TIAM2: variants seen among roughly 807,000 people sequenced by gnomAD.
TIAM2 encodes the protein rho guanine nucleotide exchange factor TIAM2.
Under a neutral mutation model 152.9 loss-of-function variants are expected in TIAM2, and 80 were observed. The ratio of observed to expected loss-of-function variants is 0.52; its 90% CI spans 0.44 to 0.63. TIAM2 has a LOEUF of 0.63. TIAM2 is among the 30% of genes least tolerant of loss of function. The probability of loss-of-function intolerance (pLI) is 0.00; values close to 1 mark genes in which losing one functional copy is unlikely to be tolerated. For synonymous variants in TIAM2, 804 were observed against 838.0 expected (o/e 0.96, Z 0.70); for missense variants, 1,965 against 2,120.1 (o/e 0.93, Z 1.44).
intron 14 of TIAM2, among the ~76,000 whole-genome samples, chr6:155,208,644 A>G (rs1293065473): frequency 6.6e-6 from 1 of 152,204 alleles, no homozygotes; most frequent in Non-Finnish European, 1.5e-5. Context: ...CACCTAGGAC[A>G]TAGAAACCAG....
chr6:155,032,403 C>T (rs9480020), intron 1 of TIAM2, among the ~76,000 whole-genome samples: 31,465 of 152,064 alleles, frequency 0.21, 3,475 homozygotes, highest in Middle Eastern at 0.28. Context: ...ATCACTAAAT[C>T]CCTGTCCACA....
chr6:155,070,076 T>G (rs544299313), intron 1 of TIAM2, among the ~76,000 whole-genome samples: 2 of 151,518 alleles, frequency 1.3e-5, no homozygotes, highest in East Asian at 3.9e-4. Flanking sequence ...CCAGCTAATT[T>G]TTGTATTTTT....
At chr6:155,079,852 G>T (rs1455639178) in intron 1 of TIAM2, among the ~76,000 whole-genome samples, 5 of 152,212 alleles carry the variant, frequency 3.3e-5, no homozygotes, top group African/African-American at 7.2e-5. Flanking sequence ...GAAGGCTGAG[G>T]TAGGAGAATC....
At chr6:155,104,675 T>G (rs1382550237) in intron 2 of TIAM2, among the ~76,000 whole-genome samples, 1 of 150,954 alleles carries the variant, frequency 6.6e-6, no homozygotes, top group Non-Finnish European at 1.5e-5. Context: ...GGGAATCGCT[T>G]GAACCCGGGA....
intron 15 of TIAM2, among the ~76,000 whole-genome samples, chr6:155,230,488 T>TTTCGG (rs1782425634): frequency 6.6e-6 from 1 of 152,208 alleles, no homozygotes; most frequent in African/African-American, 2.4e-5. Context: ...TCGGCACTGG[T>TTTCGG]CACCTTTGAA....
intron 2 of TIAM2, among the ~76,000 whole-genome samples, chr6:155,118,411 T>TTTTTTC (rs145140786): frequency 2.2e-5 from 3 of 135,022 alleles, no homozygotes; most frequent in Non-Finnish European, 3.1e-5. Context: ...TTTATTTTTC[T>TTTTTTC]TTTTTCTTTT....
intron 15 of TIAM2, among the ~76,000 whole-genome samples, chr6:155,233,555 A>G (rs879654025): frequency 6.6e-6 from 1 of 152,222 alleles, no homozygotes; most frequent in African/African-American, 2.4e-5. Context: ...CCATACATTA[A>G]AACACAAATA....
At chr6:155,140,700 A>G (rs1779679172) in intron 5 of TIAM2, among the ~76,000 whole-genome samples, 2 of 152,136 alleles carry the variant, frequency 1.3e-5, no homozygotes, top group South Asian at 4.1e-4. Context: ...ATAAAGATCT[A>G]GGGATATTTA....
chr6:155,251,097 C>T (rs41284226), intron 22 of TIAM2, 76 bp downstream of exon 22: 17,465 of 1,251,274 alleles, frequency 0.014, 201 homozygotes, highest in Middle Eastern at 0.069. Context: ...CCGCACCAGT[C>T]CAGCTCACTC....
At chr6:155,147,995 T>C in intron 6 of TIAM2, 115 bp from the exon 7 acceptor site, 1 of 979,582 alleles carries the variant, frequency 1.0e-6, no homozygotes, top group Non-Finnish European at 1.6e-6. Flanking sequence ...TTAAGCAGCT[T>C]GTATGCAGTG....
intron 1 of TIAM2, among the ~76,000 whole-genome samples, chr6:155,053,985 C>G (rs1018188560): frequency 1.3e-5 from 2 of 151,964 alleles, no homozygotes; most frequent in Admixed American, 1.3e-4. Context: ...TGAGACCAAC[C>G]AACATGGTGA....
At chr6:155,000,156 T>G (rs1430494664) in intron 1 of TIAM2, among the ~76,000 whole-genome samples, 1 of 152,188 alleles carries the variant, frequency 6.6e-6, no homozygotes, top group African/African-American at 2.4e-5. Flanking sequence ...AAGTAGACTT[T>G]TGTGGAATAA....
At position 155,176,818 on chromosome 6, in the gene TIAM2, C is replaced by A; in HGVS notation, c.2364C>A (p.Val788=). 6.2e-7 allele frequency: 1 copy of A among 1,606,054 alleles called. No individual in the cohort carries two copies. Among genetic ancestry groups the A allele is most frequent in the South Asian group, 1.1e-5 (1 of 89,164 alleles). Residue 788 remains valine, a splice_region_variant and synonymous_variant, in exon 10 of 27, where the codon GTC becomes GTA. Transcript: ENST00000682666. ...GKEKRPSITQ[V]DELLHIYGST... ...TTTCTTTTGGCATCTACAAACAGGTCGATGAACTTCTGCATATATATGGTT... is the reference window on the plus strand; with the variant it reads ...TTTCTTTTGGCATCTACAAACAGGTAGATGAACTTCTGCATATATATGGTT...
At chr6:155,063,466 A>G (rs1777629189) in intron 1 of TIAM2, among the ~76,000 whole-genome samples, 1 of 152,078 alleles carries the variant, frequency 6.6e-6, no homozygotes, top group South Asian at 2.1e-4. Context: ...TATCTGGGTG[A>G]TAGTTACATG....
intron 2 of TIAM2, chr6:155,122,208 G>GTGGT (rs1178514254): frequency 6.6e-6 from 1 of 152,262 alleles, no homozygotes; most frequent in African/African-American, 2.4e-5. Flanking sequence ...CGCTTCTGGA[G>GTGGT]TGGTTACTGA....
At position 155,183,436 on chromosome 6, in the gene TIAM2, C is replaced by G. The variant is rs147570088; in HGVS notation, c.3000C>G (p.Pro1000=). The part of the protein sequence containing the change: ...LFSRDQKSLL[P]PPNQSQLLEE... The stretch of plus-strand genomic sequence containing the variant: ...CCAGGGACCAGAAGAGTCTGCTGCC[C>G]CCTCCTAACCAGTCCCAACTGCTGG... The change falls in exon 14 of 27, where the codon CCC becomes CCG. Residue 1000 remains proline, a synonymous_variant. Transcript: ENST00000682666. 26 of 1,613,986 alleles carry G rather than the reference C, an allele frequency of 1.6e-5. No homozygotes were observed. The East Asian group carries it at 1.8e-4, about 11-fold the overall frequency.
Position 155,148,138 on chromosome 6 carries a change from G to A in TIAM2, c.1832G>A (p.Trp611Ter). 6.2e-7 allele frequency: 1 copy of A among 1,613,858 alleles called. No homozygotes were observed. Among genetic ancestry groups the A allele is most frequent in the South Asian group, 1.1e-5 (1 of 91,072 alleles). The change falls in exon 7 of 27, where the codon TGG becomes TAG. Residue 611 changes from tryptophan (W) to a stop codon, truncating the protein, a stop_gained. Transcript: ENST00000682666. LOFTEE classifies it high-confidence loss of function. ...ACCAGCCAGACAGATCTAGAAAACT[G>A]GGTCACTGCTGTACACTCTGCTTGT... The part of the protein sequence containing the change: ...QATSQTDLEN[W>*]VTAVHSACAS...
chr6:155,211,261 C>T lies in TIAM2; in HGVS notation c.3122C>T (p.Thr1041Ile), dbSNP rs752793635. 3.1e-6 allele frequency: 5 copies of T among 1,613,502 alleles called. No individual in the cohort carries two copies. Among genetic ancestry groups the T allele is most frequent in the Non-Finnish European group, 4.2e-6 (5 of 1,179,634 alleles). ...CTGAAAAGGAGTCAGACAGATGGCA[C>T]TCTGGATCAGGTTTCCCACAGGGAG... ...TGLKRSQTDGTLDQVSHREKM... is the reference protein window; with the variant it reads ...TGLKRSQTDGILDQVSHREKM... The change falls in exon 15 of 27, where the codon ACT becomes ATT. Residue 1041 changes from threonine to isoleucine, a missense_variant. Thr to Ile is a moderately conservative substitution (Grantham distance 89). This residue lies in a region of TIAM2 where 935 missense variants were observed against 980.0 expected (regional missense o/e 0.95). Coordinates refer to ENST00000682666, the MANE Select transcript of TIAM2 (RefSeq NM_012454.4).
At chr6:155,198,910 C>T (rs1038891233) in intron 14 of TIAM2, among the ~76,000 whole-genome samples, 2 of 152,064 alleles carry the variant, frequency 1.3e-5, no homozygotes, top group East Asian at 3.9e-4. Context: ...CCACATGCCC[C>T]AGCTCTGGAG....
Sources: gnomAD v4.1 joint callset for allele counts (sites outside exome capture counted in the v4.1 genomes callset) on GRCh38, gnomAD v4.1.1 for gene constraint, gnomAD v4.1.1 regional missense constraint, MANE v1.5 for transcripts, NCBI Gene and HGNC (gene_info 2026-07-23, HGNC 2026-07-21) for gene names.